The following RCAN1 variants were observed in gnomAD, a reference collection of about 807,000 sequenced individuals.
RCAN1 encodes regulator of calcineurin 1, also known as calcipressin-1.
A neutral mutation model predicts 22.9 loss-of-function variants in RCAN1; 11 were observed. The observed-to-expected ratio is 0.48, with a 90% confidence interval of 0.30 to 0.79. RCAN1 has a LOEUF of 0.79. Ranked by LOEUF, RCAN1 falls within the 30% of genes least tolerant of loss-of-function variation. The pLI, the probability that RCAN1 is intolerant of heterozygous loss-of-function variation, is 0.06. For synonymous variants in RCAN1, 136 were observed against 142.3 expected (o/e 0.96, Z 0.32); for missense variants, 291 against 337.8 (o/e 0.86, Z 1.09).
intron 1 of RCAN1, among the ~76,000 whole-genome samples, chr21:34,533,012 G>A (rs1012770261): frequency 6.7e-6 from 1 of 150,294 alleles, no homozygotes; most frequent in African/African-American, 2.4e-5. Context: ...CCAGGCTGGA[G>A]TGCAGTGGCA....
chr21:34,573,087 A>T (rs1304154436), intron 1 of RCAN1, among the ~76,000 whole-genome samples: 2 of 152,210 alleles, frequency 1.3e-5, no homozygotes, highest in Non-Finnish European at 2.9e-5. Context: ...TCAGCTAAAA[A>T]TTCTGCATGC....
chr21:34,591,278 G>A (rs1043610142), intron 1 of RCAN1, among the ~76,000 whole-genome samples: 2 of 152,306 alleles, frequency 1.3e-5, no homozygotes, highest in East Asian at 1.9e-4. Context: ...GTACAACACA[G>A]TGTGCCCTCT....
At chr21:34,550,552 G>A (rs1028194616) in intron 1 of RCAN1, among the ~76,000 whole-genome samples, 1 of 152,154 alleles carries the variant, frequency 6.6e-6, no homozygotes, top group Non-Finnish European at 1.5e-5. Context: ...TGTCATCTAT[G>A]AGCCAAGGAG....
At chr21:34,538,582 G>T (rs558069829) in intron 1 of RCAN1, among the ~76,000 whole-genome samples, 1 of 152,318 alleles carries the variant, frequency 6.6e-6, no homozygotes, top group South Asian at 2.1e-4. Flanking sequence ...AGGACGAGTG[G>T]TGGGGAGGGG....
chr21:34,545,145 A>G (rs1986084501), intron 1 of RCAN1, among the ~76,000 whole-genome samples: 1 of 152,220 alleles, frequency 6.6e-6, no homozygotes, highest in African/African-American at 2.4e-5. Context: ...ACCAAGAGGC[A>G]AAAGCAAAGC....
Position 34,615,111 on chromosome 21 carries a change from G to C in RCAN1, c.-100C>G. On this transcript the variant is annotated 5_prime_UTR_variant, in exon 1 of 4. Coordinates refer to ENST00000313806, the MANE Select transcript of RCAN1 (RefSeq NM_004414.7). ...TCCGCGCCCGGCCGGCGGCTCCGCC[G>C]TTAACCCCCTCGGAATCGCGCGGCG... The C allele has an allele frequency of 2.1e-6, 2 of 965,188 alleles. No individual in the cohort carries two copies. Among genetic ancestry groups the C allele is most frequent in the Non-Finnish European group, 2.5e-6 (2 of 809,794 alleles). The allele number at this position is 965,188 out of a possible 1,614,324, so 59.8% of individuals were successfully genotyped here. A position where few individuals can be genotyped will look rare whatever the true frequency, so the allele number is the denominator to read the frequency against.
At chr21:34,549,838 C>T (rs567970022) in intron 1 of RCAN1, among the ~76,000 whole-genome samples, 2 of 152,308 alleles carry the variant, frequency 1.3e-5, no homozygotes, top group Non-Finnish European at 2.9e-5. Flanking sequence ...CGAACACCTA[C>T]AGGCACTGAC....
chr21:34,611,041 C>T (rs1988674543), intron 1 of RCAN1, among the ~76,000 whole-genome samples: 1 of 151,996 alleles, frequency 6.6e-6, no homozygotes, highest in Non-Finnish European at 1.5e-5. Flanking sequence ...TATTTGTTTC[C>T]ATTACTATAC....
chr21:34,571,867 A>G (rs1987245984), intron 1 of RCAN1, among the ~76,000 whole-genome samples: 1 of 152,224 alleles, frequency 6.6e-6, no homozygotes, highest in African/African-American at 2.4e-5. Context: ...TTTTAATGAT[A>G]TTAAAACCAT....
At chr21:34,548,098 A>G (rs1301556589) in intron 1 of RCAN1, among the ~76,000 whole-genome samples, 1 of 152,176 alleles carries the variant, frequency 6.6e-6, no homozygotes, top group African/African-American at 2.4e-5. Context: ...TGAGAAATAA[A>G]TTTCTATTGT....
intron 1 of RCAN1, among the ~76,000 whole-genome samples, chr21:34,535,223 A>C (rs1463771853): frequency 6.6e-6 from 1 of 152,214 alleles, no homozygotes; most frequent in Non-Finnish European, 1.5e-5. Context: ...CATGATAAGC[A>C]AGTGTAAGAA....
chr21:34,555,587 TA>T (rs1986529306), intron 1 of RCAN1, among the ~76,000 whole-genome samples: 2 of 148,026 alleles, frequency 1.4e-5, no homozygotes, highest in South Asian at 2.1e-4. Context: ...AAAAAATAAA[TA>T]AAATAATAAT....
intron 1 of RCAN1, among the ~76,000 whole-genome samples, chr21:34,611,029 G>A (rs943589466): frequency 2.0e-5 from 3 of 152,068 alleles, no homozygotes; most frequent in Admixed American, 6.6e-5. Context: ...CTGAAAAAAG[G>A]GTATTTGTTT....
chr21:34,568,518 G>A (rs992958015), intron 1 of RCAN1, among the ~76,000 whole-genome samples: 16 of 152,234 alleles, frequency 1.1e-4, no homozygotes, highest in African/African-American at 3.6e-4. Context: ...GTCACGGTGT[G>A]TTTGTGCCAC....
intron 1 of RCAN1, among the ~76,000 whole-genome samples, chr21:34,584,746 T>C (rs899154929): frequency 2.6e-5 from 4 of 152,208 alleles, no homozygotes; most frequent in Non-Finnish European, 1.5e-5. Context: ...CAGAAGCGTG[T>C]ACCTGCTTGC....
chr21:34,522,192 A>C (rs1984616620), intron 2 of RCAN1: 1 of 152,024 alleles, frequency 6.6e-6, no homozygotes, highest in Non-Finnish European at 1.5e-5. Context: ...ATGCCAGAAA[A>C]AAAAAAAAAA....
intron 1 of RCAN1, among the ~76,000 whole-genome samples, chr21:34,583,145 C>T (rs908363131): frequency 5.3e-5 from 8 of 151,144 alleles, no homozygotes; most frequent in Admixed American, 2.0e-4. Context: ...CCATCAGTAC[C>T]GTAGAACTGG....
chr21:34,543,427 G>A (rs1274193648), intron 1 of RCAN1, among the ~76,000 whole-genome samples: 1 of 152,196 alleles, frequency 6.6e-6, no homozygotes, highest in East Asian at 1.9e-4. Flanking sequence ...TGGAACCTGG[G>A]AAAAGGCAAC....
intron 1 of RCAN1, among the ~76,000 whole-genome samples, chr21:34,532,875 A>AG (rs1476308206): frequency 4.6e-5 from 7 of 152,196 alleles, no homozygotes; most frequent in Non-Finnish European, 8.8e-5. Context: ...TGCAAATTCC[A>AG]ACCCCCCACT....
Sources: gnomAD v4.1 joint callset for allele counts (sites outside exome capture counted in the v4.1 genomes callset) on GRCh38, gnomAD v4.1.1 for gene constraint, MANE v1.5 for transcripts, NCBI Gene and HGNC (gene_info 2026-07-23, HGNC 2026-07-21) for gene names.